The following DUSP11 variants were observed in gnomAD, a reference collection of about 807,000 sequenced individuals.
DUSP11 encodes the protein dual specificity phosphatase 11, also known as RNA/RNP complex-1-interacting phosphatase.
DUSP11 carries 27 observed loss-of-function variants against 41.4 expected under a neutral mutation model. The observed-to-expected ratio is 0.65, with a 90% CI of 0.48 to 0.90. The LOEUF (loss-of-function observed/expected upper bound fraction) is 0.90, where lower values mean the gene tolerates loss of function less well. Ranked by LOEUF, DUSP11 falls within the 40% of genes least tolerant of loss-of-function variation. The pLI, the probability that DUSP11 is intolerant of heterozygous loss-of-function variation, is 0.00. For synonymous variants in DUSP11, 188 were observed against 159.3 expected (o/e 1.18, Z -1.35); for missense variants, 465 against 461.1 (o/e 1.01, Z -0.08).
At chr2:73,780,038 A>G (rs1175356877) in exon 1 of DUSP11, 6 of 1,613,572 alleles carry the variant, frequency 3.7e-6, no homozygotes, top group Non-Finnish European at 4.2e-6. Flanking sequence ...CGGCGCCCTC[A>G]ATGCCAGGAT....
chr2:73,772,822 C>T lies in DUSP11; in HGVS notation c.574+978G>A, dbSNP rs2103941560. On this transcript the variant is annotated intron_variant, in intron 4 of 8. Transcript: ENST00000272444. Reference sequence around the variant, plus strand: ...ATTTGAAATTTTATCTTCAAACCCACTGATCCAGTCTCTATCTCTCACCTT... The same window carrying T: ...ATTTGAAATTTTATCTTCAAACCCATTGATCCAGTCTCTATCTCTCACCTT... 2.6e-5 allele frequency among the ~76,000 whole-genome samples: 4 copies of T among 152,370 alleles called. No individual in the cohort carries two copies. The Middle Eastern group carries it at 0.01, about 389-fold the overall frequency.
At chr2:73,767,180 C>A in exon 6 of DUSP11, 1 of 1,612,546 alleles carries the variant, frequency 6.2e-7, no homozygotes. Flanking sequence ...CATCATCTGG[C>A]CTCACGCCTT....
At chr2:73,763,316 TA>T (rs1164667229) in intron 8 of DUSP11, among the ~76,000 whole-genome samples, 2 of 152,234 alleles carry the variant, frequency 1.3e-5, no homozygotes, top group Non-Finnish European at 2.9e-5. Context: ...ATACATAAAT[TA>T]ATTATGAAGT....
At chr2:73,779,700 G>T in intron 1 of DUSP11, 174 bp downstream of exon 1, 1 of 932,330 alleles carries the variant, frequency 1.1e-6, no homozygotes, top group Non-Finnish European at 1.6e-6. Context: ...GGACATCACA[G>T]ACATCGCCCC....
intron 1 of DUSP11, chr2:73,779,541 G>A (rs1672752871): frequency 9.2e-6 from 3 of 325,516 alleles, no homozygotes; most frequent in Non-Finnish European, 1.2e-5. Flanking sequence ...CACTTTCCGT[G>A]CCAACGTAAC....
chr2:73,779,931 C>T, exon 1 of DUSP11: 1 of 1,614,230 alleles, frequency 6.2e-7, no homozygotes, highest in African/African-American at 1.3e-5. Context: ...TGAAAAGTCG[C>T]GTCTCCGGCC....
chr2:73,779,900 C>T, exon 1 of DUSP11: 1 of 1,614,212 alleles, frequency 6.2e-7, no homozygotes, highest in Non-Finnish European at 8.5e-7. Context: ...TTCCGCCCTT[C>T]TTCTTGGCTG....
At chr2:73,766,284 G>A (rs1672458442) in intron 8 of DUSP11, 134 bp downstream of exon 8, 3 of 817,538 alleles carry the variant, frequency 3.7e-6, no homozygotes, top group South Asian at 4.2e-5. Context: ...ACTCCAGCCT[G>A]GATGACAGAG....
intron 5 of DUSP11, chr2:73,768,903 T>C (rs2103933523): frequency 6.2e-6 from 1 of 161,204 alleles, no homozygotes; most frequent in South Asian, 1.7e-4. Flanking sequence ...TTGGAGTGAG[T>C]CGAGATGGTG....
chr2:73,769,130 A>G, intron 5 of DUSP11, 135 bp downstream of exon 5: 1 of 651,028 alleles, frequency 1.5e-6, no homozygotes, highest in Non-Finnish European at 2.7e-6. Flanking sequence ...AATGGTGGTA[A>G]TCTCTGGGTG....
intron 1 of DUSP11, chr2:73,779,625 C>CT: frequency 3.4e-6 from 2 of 595,898 alleles, no homozygotes; most frequent in Non-Finnish European, 5.9e-6. Flanking sequence ...TAAAGCAATC[C>CT]TTCCGTATTT....
exon 4 of DUSP11, chr2:73,773,864 A>T (rs1325046660): frequency 6.2e-7 from 1 of 1,605,896 alleles, no homozygotes; most frequent in Non-Finnish European, 8.5e-7. Flanking sequence ...TAGTCTCATC[A>T]TCAGGCACTT....
At chr2:73,772,271 T>C (rs1428272208) in intron 4 of DUSP11, among the ~76,000 whole-genome samples, 6 of 152,226 alleles carry the variant, frequency 3.9e-5, no homozygotes, top group Admixed American at 6.5e-5. Context: ...AATCAATTTA[T>C]TTTCTCAGTC....
intron 6 of DUSP11, 36 bp from the exon 7 acceptor site, chr2:73,766,939 A>C: frequency 6.3e-7 from 1 of 1,576,892 alleles, no homozygotes; most frequent in Non-Finnish European, 8.7e-7. Context: ...ATAACTGTAC[A>C]AAAAGCAGAT....
Position 73,780,110 on chromosome 2 carries a change from G to C in DUSP11, c.6C>G (p.Arg2=). 6.4e-7 allele frequency: 1 copy of C among 1,557,982 alleles called. No homozygotes were observed. The highest frequency in any genetic ancestry group is 1.4e-5 in the African/African-American group (1 of 73,540). Residue 2 remains arginine, a synonymous_variant, in exon 1 of 9, where the codon CGC becomes CGG. Transcript: ENST00000272444. ...CGCCGCGCTCCAGCGTCTCGCTATT[G>C]CGCATGTGCCACCGCCGGTCGTGAT...
chr2:73,776,359 G>C (rs1304902476), intron 2 of DUSP11, among the ~76,000 whole-genome samples: 3 of 136,774 alleles, frequency 2.2e-5, no homozygotes, highest in East Asian at 4.4e-4. Flanking sequence ...AGCTTGCAGT[G>C]AACCAAGATC....
intron 3 of DUSP11, 53 bp downstream of exon 3, chr2:73,774,860 T>G (rs1672649588): frequency 1.4e-6 from 2 of 1,419,282 alleles, no homozygotes; most frequent in South Asian, 3.3e-5. Context: ...TTACTATAAA[T>G]TATTTTAGGA....
intron 8 of DUSP11, among the ~76,000 whole-genome samples, chr2:73,764,600 G>A (rs1672422135): frequency 6.6e-6 from 1 of 152,224 alleles, no homozygotes; most frequent in African/African-American, 2.4e-5. Context: ...TCACAAAGCA[G>A]GTGAGTAACA....
At chr2:73,763,061 A>C (rs1174734966) in intron 8 of DUSP11, among the ~76,000 whole-genome samples, 1 of 152,190 alleles carries the variant, frequency 6.6e-6, no homozygotes, top group Non-Finnish European at 1.5e-5. Flanking sequence ...AATGGGGCTA[A>C]TAATACTTTT....
Sources: gnomAD v4.1 joint callset for allele counts (sites outside exome capture counted in the v4.1 genomes callset) on GRCh38, gnomAD v4.1.1 for gene constraint, MANE v1.5 for transcripts, NCBI Gene and HGNC (gene_info 2026-07-23, HGNC 2026-07-21) for gene names.